The following ZEB1 variants were observed in gnomAD, a reference collection of about 807,000 sequenced individuals.
The protein encoded by ZEB1 is zinc finger E-box-binding homeobox 1.
A neutral mutation model predicts 84.9 loss-of-function variants in ZEB1; 21 were observed. The ratio of observed to expected loss-of-function variants is 0.25; its 90% CI spans 0.18 to 0.36. The LOEUF (loss-of-function observed/expected upper bound fraction) is 0.36, where lower values mean the gene tolerates loss of function less well. Among genes scored for constraint, ZEB1 ranks in the 10% least tolerant of loss-of-function variants. The pLI is 1.00. For synonymous variants in ZEB1, 420 were observed against 471.1 expected (o/e 0.89, Z 1.41); for missense variants, 1,104 against 1,330.2 (o/e 0.83, Z 2.65).
At chr10:31,504,535 C>T (rs980183206) in intron 4 of ZEB1, among the ~76,000 whole-genome samples, 4 of 151,902 alleles carry the variant, frequency 2.6e-5, no homozygotes, top group South Asian at 2.1e-4. Context: ...ATCTGTAGAT[C>T]GCTCTGGGCA....
intron 2 of ZEB1, among the ~76,000 whole-genome samples, chr10:31,465,202 AAAAC>A (rs1399703408): frequency 3.3e-5 from 5 of 152,156 alleles, no homozygotes; most frequent in African/African-American, 4.8e-5. Flanking sequence ...ATAAAAATAA[AAAAC>A]AAGGTATTAA....
intron 2 of ZEB1, among the ~76,000 whole-genome samples, chr10:31,493,153 A>C (rs2066783813): frequency 6.6e-6 from 1 of 151,942 alleles, no homozygotes; most frequent in South Asian, 2.1e-4. Context: ...CCTGGCAACC[A>C]CTAATCTCCA....
chr10:31,451,183 TC>T (rs756462942), intron 1 of ZEB1, among the ~76,000 whole-genome samples: 50 of 152,190 alleles, frequency 3.3e-4, no homozygotes, highest in Non-Finnish European at 6.8e-4. Context: ...ATTTACATTT[TC>T]CTAGAAAGGG....
At position 31,502,528 on chromosome 10, in the gene ZEB1, T is replaced by C. The variant is rs1352657931; in HGVS notation, c.484+19T>C. On this transcript the variant is annotated intron_variant, in intron 4 of 8. Transcript: ENST00000424869. ...GAAAATGGTAAATGGATCTTAACAG[T>C]TGTGTTTCTTTCCCTCTTTAAAGGA... The C allele has an allele frequency of 6.2e-7, 1 of 1,613,520 alleles. No individual in the cohort carries two copies.
At chr10:31,466,890 G>C (rs973459961) in intron 2 of ZEB1, among the ~76,000 whole-genome samples, 6 of 151,874 alleles carry the variant, frequency 4.0e-5, no homozygotes, top group African/African-American at 1.5e-4. Flanking sequence ...TATCCAAATA[G>C]AATAATAAAT....
intron 1 of ZEB1, among the ~76,000 whole-genome samples, chr10:31,393,676 A>G (rs1393530131): frequency 2.0e-5 from 3 of 152,200 alleles, no homozygotes; most frequent in Non-Finnish European, 2.9e-5. Flanking sequence ...TGTGTAGACA[A>G]TGACTAAAAC....
chr10:31,335,918 A>G (rs965967564), intron 1 of ZEB1, among the ~76,000 whole-genome samples: 4 of 152,338 alleles, frequency 2.6e-5, no homozygotes, highest in South Asian at 4.1e-4. Context: ...TACAAATTCA[A>G]TTATTTTTCA....
At chr10:31,362,126 C>T (rs555654891) in intron 1 of ZEB1, among the ~76,000 whole-genome samples, 10 of 151,648 alleles carry the variant, frequency 6.6e-5, no homozygotes, top group East Asian at 5.9e-4. Flanking sequence ...AGGACGGCGG[C>T]GGGGCAGAGG....
At position 31,520,760 on chromosome 10, in the gene ZEB1, C is replaced by T. The variant is rs1405357487; in HGVS notation, c.1428C>T (p.Ile476=). The change falls in exon 7 of 9, where the codon ATC becomes ATT. Residue 476 remains isoleucine (I), a synonymous_variant. Transcript: ENST00000424869. The surrounding 1 kb of genome is among the most constrained non-coding windows in gnomAD (Gnocchi z 5.1). ...VDQDGTTKII[I]NYSLEQPSQL... ...AAGATGGAACAACCAAAATTATCAT[C>T]AACTACAGTCTTGAGCAGCCTAGCC... is the stretch of plus-strand genomic sequence containing the variant. 6.2e-7 allele frequency: 1 copy of T among 1,614,030 alleles called. No homozygotes were observed. Among genetic ancestry groups the T allele is most frequent in the Admixed American group, 1.7e-5 (1 of 59,998 alleles).
At chr10:31,522,386 G>C (rs987714807) in intron 7 of ZEB1, among the ~76,000 whole-genome samples, 1 of 152,110 alleles carries the variant, frequency 6.6e-6, no homozygotes, top group Non-Finnish European at 1.5e-5. Context: ...TAATACATCT[G>C]TTTATAAAAG....
intron 2 of ZEB1, among the ~76,000 whole-genome samples, chr10:31,469,484 C>T (rs1445671848): frequency 2.0e-5 from 3 of 152,146 alleles, no homozygotes; most frequent in Admixed American, 1.3e-4. Context: ...CACTCCCACC[C>T]GAATATTGCG....
intron 2 of ZEB1, among the ~76,000 whole-genome samples, chr10:31,489,421 A>T (rs1011804818): frequency 6.6e-6 from 1 of 151,230 alleles, no homozygotes; most frequent in Non-Finnish European, 1.5e-5. Context: ...TTTTTGGTCT[A>T]TTCTGATCAT....
At chr10:31,413,862 T>G (rs2135866697) in intron 1 of ZEB1, among the ~76,000 whole-genome samples, 1 of 152,322 alleles carries the variant, frequency 6.6e-6, no homozygotes, top group East Asian at 1.9e-4. Flanking sequence ...GGAAAATTTC[T>G]TGGTCTTTCT....
At chr10:31,483,356 G>C (rs2065304129) in intron 2 of ZEB1, among the ~76,000 whole-genome samples, 1 of 151,950 alleles carries the variant, frequency 6.6e-6, no homozygotes, top group South Asian at 2.1e-4. Context: ...TGCCAAGATG[G>C]TACATTAAGT....
chr10:31,416,111 G>T (rs371722802), intron 1 of ZEB1, among the ~76,000 whole-genome samples: 1 of 151,960 alleles, frequency 6.6e-6, no homozygotes, highest in Admixed American at 6.6e-5. Flanking sequence ...GATTATCTAA[G>T]AAGTGATTTT....
chr10:31,455,215 G>A (rs1452156689), intron 1 of ZEB1, among the ~76,000 whole-genome samples: 3 of 152,172 alleles, frequency 2.0e-5, no homozygotes, highest in Non-Finnish European at 4.4e-5. Flanking sequence ...GCCATATGCA[G>A]AAAACTGAAA....
intron 1 of ZEB1, among the ~76,000 whole-genome samples, chr10:31,416,577 T>C (rs1262304500): frequency 1.3e-5 from 2 of 152,262 alleles, no homozygotes; most frequent in East Asian, 3.9e-4. Context: ...CTCAACTCTT[T>C]AGTCATTCTT....
chr10:31,513,246 T>A (rs1248953165), intron 5 of ZEB1, among the ~76,000 whole-genome samples: 2 of 152,070 alleles, frequency 1.3e-5, no homozygotes, highest in African/African-American at 4.8e-5. Flanking sequence ...GCTGATGGAT[T>A]GGGTGAGGGT....
intron 2 of ZEB1, among the ~76,000 whole-genome samples, chr10:31,490,193 A>G (rs991611170): frequency 6.6e-6 from 1 of 151,424 alleles, no homozygotes; most frequent in Admixed American, 6.6e-5. Flanking sequence ...TTAGGAGGTT[A>G]CTATTTGAGG....
Sources: gnomAD v4.1 joint callset for allele counts (sites outside exome capture counted in the v4.1 genomes callset) on GRCh38, gnomAD v4.1.1 for gene constraint, Gnocchi (gnomAD v3.1) non-coding constraint, MANE v1.5 for transcripts, NCBI Gene and HGNC (gene_info 2026-07-23, HGNC 2026-07-21) for gene names.